Variants in QPCTL observed in about 807,000 individuals in gnomAD.
QPCTL encodes the protein glutaminyl-peptide cyclotransferase like.
QPCTL carries 31 observed loss-of-function variants against 34.6 expected under a neutral mutation model. The observed-to-expected ratio is 0.90, with a 90% CI of 0.67 to 1.21. The LOEUF (loss-of-function observed/expected upper bound fraction) is 1.21, where lower values mean the gene tolerates loss of function less well. Ranked by LOEUF, QPCTL falls within the 50% of genes most tolerant of loss-of-function variation. The pLI is 0.00. For synonymous variants in QPCTL, 223 were observed against 226.9 expected (o/e 0.98, Z 0.15); for missense variants, 474 against 507.8 (o/e 0.93, Z 0.64).
intron 5 of QPCTL, among the ~76,000 whole-genome samples, chr19:45,700,532 A>G (rs1417969489): frequency 6.6e-6 from 1 of 152,204 alleles, no homozygotes. Context: ...AGCCTTTCTA[A>G]GGAACTAGAG....
At chr19:45,695,819 C>G (rs1418854870) in intron 3 of QPCTL, 101 bp downstream of exon 3, 2 of 1,328,188 alleles carry the variant, frequency 1.5e-6, no homozygotes, top group African/African-American at 3.0e-5. Flanking sequence ...CGTCTTCCCA[C>G]TCTACTCCAC....
chr19:45,698,178 G>A (rs1188789559), intron 3 of QPCTL, among the ~76,000 whole-genome samples: 1 of 151,880 alleles, frequency 6.6e-6, no homozygotes, highest in Non-Finnish European at 1.5e-5. Context: ...GGGAGGTAGG[G>A]GGTGGAGGTT....
At position 45,703,192 on chromosome 19, in the gene QPCTL, CCTT is replaced by C; in HGVS notation, c.*147_*149del. The C allele has an allele frequency of 4.5e-6, 5 of 1,104,210 alleles. No homozygotes were observed. Among genetic ancestry groups the C allele is most frequent in the Non-Finnish European group, 5.1e-6 (4 of 778,070 alleles). The allele number at this position is 1,104,210 out of a possible 1,614,324, so 68.4% of individuals were successfully genotyped here. A position where few individuals can be genotyped will look rare whatever the true frequency, so the allele number is the denominator to read the frequency against. On this transcript the variant is annotated 3_prime_UTR_variant, in exon 7 of 7. Transcript: ENST00000012049. ...TCCTAATTGTGCTACAATTGGAAGA[CCTT>C]CTTTCTTTTGATTGTCTCAAGCTGC... is the stretch of plus-strand genomic sequence containing the variant.
chr19:45,697,429 A>AG (rs1967720379), intron 3 of QPCTL, among the ~76,000 whole-genome samples: 1 of 151,320 alleles, frequency 6.6e-6, no homozygotes, highest in Non-Finnish European at 1.5e-5. Flanking sequence ...CCGTCTCAAA[A>AG]AAAAAAAAAA....
intron 1 of QPCTL, 134 bp from the exon 2 acceptor site, chr19:45,693,279 A>T: frequency 8.1e-7 from 1 of 1,234,126 alleles, no homozygotes. Flanking sequence ...GATTTATCCT[A>T]GAAGTCTCCG....
Position 45,701,890 on chromosome 19 carries a change from G to A in QPCTL, c.979G>A (p.Asp327Asn), listed in dbSNP as rs375545986. 45 of 1,613,226 alleles carry A rather than the reference G, an allele frequency of 2.8e-5. 1 individual carries two copies. In the South Asian group the frequency reaches 4.2e-4, roughly 15 times the overall value. The change falls in exon 6 of 7, where the codon GAC becomes AAC. Residue 327 changes from aspartate (D) to asparagine (N), a missense_variant. By Grantham distance (23) the Asp-to-Asn change is conservative. Transcript: ENST00000012049. ...PGEPFGSVED[D>N]HIPFLRRGVP... Reference sequence around the variant, plus strand: ...GGAGCCCTTTGGCTCTGTGGAAGACGACCACATCCCCTTCCTCCGCAGAGG... The same window carrying A: ...GGAGCCCTTTGGCTCTGTGGAAGACAACCACATCCCCTTCCTCCGCAGAGG...
At chr19:45,702,587 A>G (rs1286601613) in intron 6 of QPCTL, among the ~76,000 whole-genome samples, 5 of 151,812 alleles carry the variant, frequency 3.3e-5, no homozygotes, top group Admixed American at 3.3e-4. Context: ...AACATGATGA[A>G]ACCCCATCTC....
rs1967843234 is a variant in QPCTL, at chr19:45,703,203, T to C, written c.*154T>C. The C allele has an allele frequency of 4.9e-6, 5 of 1,024,290 alleles. No individual in the cohort carries two copies. The highest frequency in any genetic ancestry group is 7.0e-6 in the Non-Finnish European group (5 of 710,784). The allele number at this position is 1,024,290 out of a possible 1,614,324, so 63.5% of individuals were successfully genotyped here. The stretch of plus-strand genomic sequence containing the variant: ...CTACAATTGGAAGACCTTCTTTCTT[T>C]TGATTGTCTCAAGCTGCCACCCTTC... On this transcript the variant is annotated 3_prime_UTR_variant, in exon 7 of 7. Transcript: ENST00000012049.
rs765105111 is a variant in QPCTL at position 45,692,684 on chromosome 19, G to A, written c.-20G>A. 1.3e-6 allele frequency: 2 copies of A among 1,518,234 alleles called. No homozygotes were observed. Among genetic ancestry groups the A allele is most frequent in the Non-Finnish European group, 1.8e-6 (2 of 1,130,224 alleles). 94.0% of individuals were successfully genotyped at this position (1,518,234 alleles called of 1,614,324 possible). A position where few individuals can be genotyped will look rare whatever the true frequency, so the allele number is the denominator to read the frequency against. ...TAAACTCAATCCGTGGTCTGGTACA[G>A]GTTTCAGGGCAAAGCGGCCATGCGT... On this transcript the variant is annotated 5_prime_UTR_variant, in exon 1 of 7. Coordinates refer to ENST00000012049, the MANE Select transcript of QPCTL (RefSeq NM_017659.4).
chr19:45,703,252 G>GGGATGACAGT lies in QPCTL; in HGVS notation c.*212_*213insTGGATGACAG. Reference sequence around the variant, plus strand: ...TCAAGGACAGGGAAGAGACCACTGTGGGATGACAGCCAGAGGAATAAGAAC... The same window carrying GGGATGACAGT: ...TCAAGGACAGGGAAGAGACCACTGTGGGATGACAGTGGATGACAGCCAGAGGAATAAGAAC... On this transcript the variant is annotated 3_prime_UTR_variant, in exon 7 of 7. Coordinates refer to ENST00000012049, the MANE Select transcript of QPCTL (RefSeq NM_017659.4). 1.5e-6 allele frequency: 1 copy of GGGATGACAGT among 649,648 alleles called. No individual in the cohort carries two copies. Among genetic ancestry groups the GGGATGACAGT allele is most frequent in the Non-Finnish European group, 2.6e-6 (1 of 387,792 alleles). 40.2% of individuals were successfully genotyped at this position (649,648 alleles called of 1,614,324 possible).
chr19:45,702,099 C>T (rs1967821932), intron 6 of QPCTL, among the ~76,000 whole-genome samples, 185 bp downstream of exon 6: 1 of 152,176 alleles, frequency 6.6e-6, no homozygotes, highest in Admixed American at 6.6e-5. Flanking sequence ...GGGGATTGAA[C>T]ATGCTAACAC....
intron 2 of QPCTL, among the ~76,000 whole-genome samples, chr19:45,694,344 A>G (rs1263144473): frequency 2.0e-5 from 3 of 152,010 alleles, no homozygotes; most frequent in Non-Finnish European, 2.9e-5. Context: ...GCGCCACTGC[A>G]CCCCAGCATG....
intron 5 of QPCTL, 87 bp downstream of exon 5, chr19:45,698,987 C>A: frequency 6.3e-6 from 7 of 1,110,530 alleles, no homozygotes; most frequent in South Asian, 1.3e-5. Flanking sequence ...CACCTACACT[C>A]TAAAGGCTCA....
intron 5 of QPCTL, among the ~76,000 whole-genome samples, chr19:45,701,420 C>T (rs112316405): frequency 2.0e-5 from 3 of 152,044 alleles, no homozygotes; most frequent in East Asian, 1.9e-4. Context: ...GGATTACAGG[C>T]GCCCACCACC....
Position 45,701,852 on chromosome 19 carries a change from A to G in QPCTL, c.941A>G (p.Tyr314Cys). The G allele has an allele frequency of 1.2e-6, 2 of 1,614,056 alleles. No individual in the cohort carries two copies. The highest frequency in any genetic ancestry group is 8.5e-7 in the Non-Finnish European group (1 of 1,179,970). Residue 314 changes from tyrosine (Y) to cysteine (C), a missense_variant, in exon 6 of 7, where the codon TAC (tyrosine) becomes TGC (cysteine). Physicochemically the swap from Tyr to Cys is radical, Grantham distance 194. Coordinates refer to ENST00000012049, the MANE Select transcript of QPCTL (RefSeq NM_017659.4). ...CAGTCTCATCCCCAGGAAGTGATGT[A>G]CTTCCAACCCGGGGAGCCCTTTGGC... The part of the protein sequence containing the change: ...LLQSHPQEVM[Y>C]FQPGEPFGSV...
In QPCTL at chr19:45,693,500, C is replaced by T; in HGVS notation, c.295C>T (p.Arg99Cys). The change falls in exon 2 of 7, where the codon CGC (arginine) becomes TGC (cysteine). Residue 99 changes from arginine (R) to cysteine (C), a missense_variant. Coordinates refer to ENST00000012049, the MANE Select transcript of QPCTL (RefSeq NM_017659.4). ...DPQRLWSTYL[R>C]PLLVVRTPGS... is the part of the protein sequence containing the mutation. ...ACAGCGTCTCTGGAGCACTTATCTG[C>T]GCCCCCTGCTGGTTGTGCGAACCCC... The T allele has an allele frequency of 6.2e-7, 1 of 1,613,000 alleles. No homozygotes were observed.
intron 2 of QPCTL, among the ~76,000 whole-genome samples, chr19:45,694,210 T>C (rs1967644665): frequency 6.6e-6 from 1 of 151,984 alleles, no homozygotes; most frequent in Admixed American, 6.6e-5. Flanking sequence ...TGAAACCTCA[T>C]CTCTACTAAA....
In QPCTL at chr19:45,694,540, G is replaced by A. The variant is rs1452722751; in HGVS notation, c.352-897G>A. 5.3e-5 allele frequency among the ~76,000 whole-genome samples: 8 copies of A among 151,128 alleles called. No homozygotes were observed. The East Asian group carries it at 7.9e-4, about 15-fold the overall frequency. On this transcript the variant is annotated intron_variant, in intron 2 of 6. Coordinates refer to ENST00000012049, the MANE Select transcript of QPCTL (RefSeq NM_017659.4). ...GGTTGGAGTGCAGTGGCGCGATCTC[G>A]GCTCACTGCAACCTCCACCTCCCAG...
Position 45,692,739 on chromosome 19 carries a change from G to T in QPCTL, c.36G>T (p.Arg12=). ...GGGGCCGCGGGCGACCCCGCCTGCG[G>T]CTGGGGGAACGTGGCCTCATGGAGC... ...RSGGRGRPRL[R]LGERGLMEPL... Residue 12 remains arginine, a synonymous_variant, in exon 1 of 7, where the codon CGG becomes CGT. Coordinates refer to ENST00000012049, the MANE Select transcript of QPCTL (RefSeq NM_017659.4). The T allele has an allele frequency of 6.4e-7, 1 of 1,572,234 alleles. No homozygotes were observed. Among genetic ancestry groups the T allele is most frequent in the Non-Finnish European group, 8.6e-7 (1 of 1,158,498 alleles).
Sources: gnomAD v4.1 joint callset for allele counts (sites outside exome capture counted in the v4.1 genomes callset) on GRCh38, gnomAD v4.1.1 for gene constraint, MANE v1.5 for transcripts, NCBI Gene and HGNC (gene_info 2026-07-23, HGNC 2026-07-21) for gene names.